Variants in CPQ observed in about 807,000 individuals in gnomAD.
The protein encoded by CPQ is Ser-Met dipeptidase.
Under a neutral mutation model 45.7 loss-of-function variants are expected in CPQ, and 37 were observed. The observed-to-expected ratio is 0.81, with a 90% CI of 0.62 to 1.07. The LOEUF is 1.07. Among genes scored for constraint, CPQ ranks in the 50% least tolerant of loss-of-function variants. The pLI is 0.00. For missense variants in CPQ, 537 were observed against 572.9 expected (o/e 0.94, Z 0.64); for synonymous variants, 186 against 205.8 (o/e 0.90, Z 0.82).
intron 1 of CPQ, among the ~76,000 whole-genome samples, chr8:96,663,734 A>G (rs1362645338): frequency 6.6e-6 from 1 of 152,132 alleles, no homozygotes; most frequent in Non-Finnish European, 1.5e-5. Flanking sequence ...ACTTCTATTG[A>G]ACAAATATTG....
chr8:96,834,912 T>G (rs1175789359), intron 2 of CPQ, 61 bp from the exon 3 acceptor site: 1 of 1,460,350 alleles, frequency 6.8e-7, no homozygotes, highest in East Asian at 2.3e-5. Context: ...ACCTTTCCTG[T>G]GCCAATTCAA....
At chr8:96,980,743 T>TG (rs1265155716) in intron 5 of CPQ, among the ~76,000 whole-genome samples, 4 of 152,144 alleles carry the variant, frequency 2.6e-5, no homozygotes, top group African/African-American at 9.7e-5. Flanking sequence ...CATGTGAGTT[T>TG]GGCCTGGATA....
chr8:97,129,450 T>C (rs1364846149), intron 7 of CPQ, among the ~76,000 whole-genome samples: 1 of 152,138 alleles, frequency 6.6e-6, no homozygotes, highest in African/African-American at 2.4e-5. Context: ...TTGTGAGGCT[T>C]TGATAAGATA....
At chr8:97,114,999 G>C (rs1427869027) in intron 7 of CPQ, among the ~76,000 whole-genome samples, 6 of 152,176 alleles carry the variant, frequency 3.9e-5, no homozygotes, top group African/African-American at 1.4e-4. Flanking sequence ...CTCCTGGACA[G>C]TTTCCATCCA....
chr8:97,026,623 G>A (rs541493485), intron 5 of CPQ, among the ~76,000 whole-genome samples: 1 of 152,162 alleles, frequency 6.6e-6, no homozygotes, highest in African/African-American at 2.4e-5. Flanking sequence ...TCTTCCTAAG[G>A]CCTTCACTCT....
At chr8:96,880,580 A>G (rs1326326498) in intron 4 of CPQ, among the ~76,000 whole-genome samples, 1 of 123,950 alleles carries the variant, frequency 8.1e-6, no homozygotes, top group East Asian at 2.2e-4. Context: ...TATATATACC[A>G]TGGAATACTA....
chr8:96,835,205 T>A, intron 3 of CPQ, 25 bp downstream of exon 3: 1 of 1,405,664 alleles, frequency 7.1e-7, no homozygotes, highest in Middle Eastern at 2.4e-4. Context: ...TCATTTGAAT[T>A]CCTTTCAAAA....
At chr8:96,849,157 T>C (rs140480502) in intron 3 of CPQ, among the ~76,000 whole-genome samples, 96 of 152,364 alleles carry the variant, frequency 6.3e-4, no homozygotes, top group African/African-American at 2.1e-3. Context: ...ACAGGAATTC[T>C]GATAAATTCT....
chr8:97,033,463 A>C (rs1809943985), intron 6 of CPQ, among the ~76,000 whole-genome samples: 1 of 152,204 alleles, frequency 6.6e-6, no homozygotes, highest in African/African-American at 2.4e-5. Context: ...TATAATGATA[A>C]AAGTCATAAA....
At chr8:96,963,610 A>T (rs1317295173) in intron 4 of CPQ, among the ~76,000 whole-genome samples, 1 of 152,208 alleles carries the variant, frequency 6.6e-6, no homozygotes, top group East Asian at 1.9e-4. Flanking sequence ...CATCAAGAAG[A>T]TTGGTTCAAC....
At chr8:96,879,653 A>G in intron 3 of CPQ, 145 bp from the exon 4 acceptor site, 1 of 609,300 alleles carries the variant, frequency 1.6e-6, no homozygotes. Context: ...CATCAAAAGC[A>G]AGTAAATCAA....
At position 96,966,014 on chromosome 8, in the gene CPQ, C is replaced by CACTTT; in HGVS notation, c.930_931insCTTTA (p.Trp311LeufsTer44). On this transcript the variant is annotated frameshift_variant, in exon 5 of 8. Transcript: ENST00000220763. LOFTEE classifies it high-confidence loss of function. ...GATGATGGCGGTGGAGCCTTTATAT[C>CACTTT]ATGGGAAGCACTCTCACTTATTAAA... The CACTTT allele has an allele frequency of 6.2e-7, 1 of 1,613,528 alleles. No homozygotes were observed. The highest frequency in any genetic ancestry group is 8.5e-7 in the Non-Finnish European group (1 of 1,179,766).
intron 1 of CPQ, among the ~76,000 whole-genome samples, chr8:96,691,329 A>T (rs529970407): frequency 3.3e-5 from 5 of 151,786 alleles, no homozygotes; most frequent in African/African-American, 1.2e-4. Flanking sequence ...GATACTTATC[A>T]TTGAATTTAG....
chr8:96,883,764 C>A (rs1027979735), intron 4 of CPQ, among the ~76,000 whole-genome samples: 1 of 152,170 alleles, frequency 6.6e-6, no homozygotes, highest in Non-Finnish European at 1.5e-5. Context: ...TGATAACATT[C>A]CCCTCATCCC....
At chr8:97,105,379 A>G (rs962370500) in intron 7 of CPQ, among the ~76,000 whole-genome samples, 1 of 152,220 alleles carries the variant, frequency 6.6e-6, no homozygotes, top group Admixed American at 6.5e-5. Flanking sequence ...TCCAGGTTGT[A>G]GCATGTGTCA....
intron 2 of CPQ, among the ~76,000 whole-genome samples, chr8:96,802,534 C>G (rs1039853858): frequency 6.6e-5 from 10 of 152,180 alleles, no homozygotes; most frequent in Admixed American, 3.9e-4. Flanking sequence ...TTGTGAGACT[C>G]TTTACAGTCC....
At chr8:96,865,767 AT>A (rs1420236595) in intron 3 of CPQ, among the ~76,000 whole-genome samples, 2 of 152,064 alleles carry the variant, frequency 1.3e-5, no homozygotes, top group African/African-American at 4.8e-5. Context: ...TCAGTACTAA[AT>A]TCATTATCCC....
At chr8:97,131,769 T>G (rs1274524851) in intron 7 of CPQ, among the ~76,000 whole-genome samples, 1 of 152,218 alleles carries the variant, frequency 6.6e-6, no homozygotes, top group Non-Finnish European at 1.5e-5. Context: ...TAGCCTGCCC[T>G]ACTTGTTGGG....
chr8:96,696,337 T>C (rs2130741582), intron 1 of CPQ, among the ~76,000 whole-genome samples: 1 of 152,106 alleles, frequency 6.6e-6, no homozygotes, highest in African/African-American at 2.4e-5. Context: ...ATATACCTAA[T>C]GGTAGATGAC....
Sources: allele counts gnomAD v4.1 joint callset (sites outside exome capture counted in the v4.1 genomes callset), GRCh38; gene constraint gnomAD v4.1.1; transcripts MANE v1.5; gene names NCBI Gene and HGNC (gene_info 2026-07-23, HGNC 2026-07-21).